LGALS9: variants seen among roughly 807,000 people sequenced by gnomAD.
LGALS9 encodes galectin-9.
LGALS9 carries 26 observed loss-of-function variants against 35.9 expected under a neutral mutation model. The observed-to-expected ratio is 0.72, with a 90% CI of 0.53 to 1.01. The LOEUF (loss-of-function observed/expected upper bound fraction) is 1.01, where lower values mean the gene tolerates loss of function less well. Among genes scored for constraint, LGALS9 ranks in the 50% least tolerant of loss-of-function variants. LGALS9 has a pLI of 0.00. For synonymous variants in LGALS9, 149 were observed against 172.2 expected (o/e 0.87, Z 1.06); for missense variants, 347 against 445.8 (o/e 0.78, Z 1.99).
chr17:27,631,689 T>C (rs1356759322), intron 1 of LGALS9, among the ~76,000 whole-genome samples: 2 of 152,154 alleles, frequency 1.3e-5, no homozygotes, highest in African/African-American at 4.8e-5. Flanking sequence ...GTGGCCTCCC[T>C]GGGTCCAGCT....
At chr17:27,647,954 A>G (rs538857391) in intron 10 of LGALS9, among the ~76,000 whole-genome samples, 2 of 152,268 alleles carry the variant, frequency 1.3e-5, no homozygotes, top group Non-Finnish European at 2.9e-5. Context: ...TGGGAGGGGC[A>G]GCTAGGGCCA....
At position 27,633,148 on chromosome 17, in the gene LGALS9, G is replaced by A. The variant is rs182415002; in HGVS notation, c.39+1844G>A. On this transcript the variant is annotated intron_variant, in intron 1 of 10. Transcript: ENST00000395473. ...TGTGGTGGTTAGAAGCGTGGGTGCT[G>A]GGGTTCAAATCCCAGCTCTGTTGCT... Among the ~76,000 whole-genome samples, 12 of 152,304 alleles carry A rather than the reference G, an allele frequency of 7.9e-5. No individual in the cohort carries two copies. The East Asian group carries it at 2.3e-3, about 29-fold the overall frequency.
chr17:27,635,364 A>G (rs958570445), intron 1 of LGALS9, among the ~76,000 whole-genome samples: 28 of 151,958 alleles, frequency 1.8e-4, no homozygotes, highest in Non-Finnish European at 2.6e-4. Context: ...TACTTGAGCC[A>G]GGGGGTGGAG....
chr17:27,645,044 A>C (rs78143294), intron 5 of LGALS9: 5 of 490,604 alleles, frequency 1.0e-5, no homozygotes, highest in Non-Finnish European at 1.5e-5. Context: ...GAGCTACAGA[A>C]AGCAATGAGG....
intron 3 of LGALS9, 118 bp downstream of exon 3, chr17:27,640,891 A>AGTG (rs989400476): frequency 1.1e-5 from 16 of 1,451,194 alleles, no homozygotes; most frequent in Non-Finnish European, 1.4e-5. Context: ...CTATACAGAT[A>AGTG]ACACGCTCAT....
intron 1 of LGALS9, among the ~76,000 whole-genome samples, chr17:27,634,018 T>C (rs983792637): frequency 6.6e-6 from 1 of 152,188 alleles, no homozygotes; most frequent in Admixed American, 6.5e-5. Context: ...GCAGGTCCGG[T>C]TGTTTTCCTG....
intron 7 of LGALS9, among the ~76,000 whole-genome samples, chr17:27,646,322 T>C (rs1345655641): frequency 6.6e-6 from 1 of 151,958 alleles, no homozygotes; most frequent in Non-Finnish European, 1.5e-5. Context: ...TGGGGCTGCC[T>C]GCGGAGGGGT....
At chr17:27,635,310 C>A (rs1420911567) in intron 1 of LGALS9, among the ~76,000 whole-genome samples, 1 of 152,072 alleles carries the variant, frequency 6.6e-6, no homozygotes, top group Non-Finnish European at 1.5e-5. Flanking sequence ...TGGTGGCCTG[C>A]ACCTATTTTG....
intron 8 of LGALS9, among the ~76,000 whole-genome samples, 164 bp downstream of exon 8, chr17:27,646,752 A>G (rs1394546931): frequency 6.6e-6 from 1 of 152,178 alleles, no homozygotes; most frequent in Non-Finnish European, 1.5e-5. Flanking sequence ...TGTGGAGAGG[A>G]GCTTTCAACC....
intron 2 of LGALS9, 174 bp from the exon 3 acceptor site, chr17:27,640,398 A>T: frequency 1.0e-6 from 1 of 981,320 alleles, no homozygotes; most frequent in Non-Finnish European, 1.5e-6. Flanking sequence ...ATTAAAACAA[A>T]AACACATTAG....
chr17:27,640,337 C>T (rs1904370060), intron 2 of LGALS9: 1 of 621,706 alleles, frequency 1.6e-6, no homozygotes, highest in South Asian at 2.0e-5. Flanking sequence ...TTTTCCTTAA[C>T]CGTTTTCTAT....
chr17:27,640,898 T>C lies in LGALS9; in HGVS notation c.333+125T>C, dbSNP rs182599865. ...TGACACCACTATACAGATAACACGCTCATTTCCTTGTGAGGTGTTACCCAT... is the reference window on the plus strand; with the variant it reads ...TGACACCACTATACAGATAACACGCCCATTTCCTTGTGAGGTGTTACCCAT... On this transcript the variant is annotated intron_variant, in intron 3 of 10. Coordinates refer to ENST00000395473, the MANE Select transcript of LGALS9 (RefSeq NM_009587.3). 1.4e-4 allele frequency: 194 copies of C among 1,422,504 alleles called. 4 individuals carry two copies. The East Asian group carries it at 4.7e-3, about 34-fold the overall frequency. The allele number at this position is 1,422,504 out of a possible 1,614,324, so 88.1% of individuals were successfully genotyped here. A position where few individuals can be genotyped will look rare whatever the true frequency, so the allele number is the denominator to read the frequency against.
intron 1 of LGALS9, among the ~76,000 whole-genome samples, chr17:27,635,354 T>C (rs2074436878): frequency 6.6e-6 from 1 of 151,830 alleles, no homozygotes; most frequent in Non-Finnish European, 1.5e-5. Flanking sequence ...GCGGGAGGAT[T>C]ACTTGAGCCA....
At chr17:27,642,783 C>G (rs1904619247) in intron 4 of LGALS9, among the ~76,000 whole-genome samples, 1 of 152,214 alleles carries the variant, frequency 6.6e-6, no homozygotes, top group Non-Finnish European at 1.5e-5. Context: ...GCCTGCCCCC[C>G]ATGGGTGGTT....
Position 27,645,850 on chromosome 17 carries a change from C to T in LGALS9, c.577-11C>T. 6.2e-7 allele frequency: 1 copy of T among 1,600,364 alleles called. No individual in the cohort carries two copies. The highest frequency in any genetic ancestry group is 1.7e-4 in the Middle Eastern group (1 of 6,000). ...TGAGAGCCTGGGTGAGACCTGGTTT[C>T]TTTCTTCCAGACCCAGACAGTCATC... On this transcript the variant is annotated splice_polypyrimidine_tract_variant and intron_variant, in intron 6 of 10. Coordinates refer to ENST00000395473, the MANE Select transcript of LGALS9 (RefSeq NM_009587.3).
In LGALS9 at chr17:27,640,726, G is replaced by A. The variant is rs780845302; in HGVS notation, c.286G>A (p.Gly96Arg). 1.5e-4 allele frequency: 245 copies of A among 1,614,072 alleles called. 3 individuals are homozygous for A. In the South Asian group the frequency reaches 2.5e-3, roughly 16 times the overall value. The change falls in exon 3 of 11, where the codon GGG (glycine) becomes AGG (arginine). Residue 96 changes from glycine to arginine, a missense_variant. Physicochemically the swap from Gly to Arg is moderately radical, Grantham distance 125 (BLOSUM62 -2). Transcript: ENST00000395473. ...GAAGACACACATGCCTTTCCAGAAGGGGATGCCCTTTGACCTCTGCTTCCT... is the reference window on the plus strand; with the variant it reads ...GAAGACACACATGCCTTTCCAGAAGAGGATGCCCTTTGACCTCTGCTTCCT... The part of the protein sequence containing the change: ...ERKTHMPFQK[G>R]MPFDLCFLVQ...
rs1218265352 is a variant in LGALS9 at position 27,635,138 on chromosome 17, G to A, written c.40-3125G>A. 1.1e-4 allele frequency among the ~76,000 whole-genome samples: 16 copies of A among 152,186 alleles called. 1 individual carries two copies. In the South Asian group the frequency reaches 3.3e-3, roughly 32 times the overall value. On this transcript the variant is annotated intron_variant, in intron 1 of 10. Transcript: ENST00000395473. ...CTGCAATGAATAACCTTGTTTGTAG[G>A]ATGATATTCAATTTAAAAACTCATT...
chr17:27,641,579 T>A (rs1471350188), intron 3 of LGALS9, among the ~76,000 whole-genome samples: 1 of 152,142 alleles, frequency 6.6e-6, no homozygotes, highest in Non-Finnish European at 1.5e-5. Flanking sequence ...CTGGGCTTGA[T>A]ACCAAGGTGA....
chr17:27,633,109 T>C (rs2074408397), intron 1 of LGALS9, among the ~76,000 whole-genome samples: 1 of 152,210 alleles, frequency 6.6e-6, no homozygotes, highest in Non-Finnish European at 1.5e-5. Context: ...AGCTTACTCA[T>C]GAGAGGAAGC....
Sources: allele counts gnomAD v4.1 joint callset (sites outside exome capture counted in the v4.1 genomes callset), GRCh38; gene constraint gnomAD v4.1.1; transcripts MANE v1.5; gene names NCBI Gene and HGNC (gene_info 2026-07-23, HGNC 2026-07-21).